Variants in KLF12 observed in about 807,000 individuals in gnomAD.
The protein encoded by KLF12 is KLF transcription factor 12, also known as Krueppel-like factor 12.
A neutral mutation model predicts 37.8 loss-of-function variants in KLF12; 9 were observed. That is an observed-to-expected ratio of 0.24 (90% CI 0.14 to 0.42). The LOEUF is 0.42. Among genes scored for constraint, KLF12 ranks in the 10% least tolerant of loss-of-function variants. The pLI is 1.00. For synonymous variants in KLF12, 208 were observed against 202.1 expected, an observed-to-expected ratio of 1.03 and a Z score of -0.25; for missense variants, 411 against 516.0, an observed-to-expected ratio of 0.80 and a Z score of 1.97.
At chr13:73,888,933 T>C (rs546936860) in intron 3 of KLF12, among the ~76,000 whole-genome samples, 2 of 152,336 alleles carry the variant, frequency 1.3e-5, no homozygotes, top group African/African-American at 4.8e-5. Flanking sequence ...ACAACTGAAA[T>C]AGCAATAAAA....
intron 1 of KLF12, among the ~76,000 whole-genome samples, chr13:74,034,863 T>C (rs1893209060): frequency 6.6e-6 from 1 of 152,252 alleles, no homozygotes. Context: ...GCCCATCATA[T>C]ACACTGGCTT....
chr13:74,070,964 T>C (rs1432922742), intron 1 of KLF12, among the ~76,000 whole-genome samples: 1 of 152,212 alleles, frequency 6.6e-6, no homozygotes, highest in African/African-American at 2.4e-5. Flanking sequence ...AGCTCTCTAA[T>C]ACTGTTAACA....
chr13:73,924,084 A>G (rs1047472564), intron 3 of KLF12, among the ~76,000 whole-genome samples: 3 of 152,278 alleles, frequency 2.0e-5, no homozygotes, highest in Non-Finnish European at 2.9e-5. Flanking sequence ...GGCAAAAGAA[A>G]GCACTCTGAA....
chr13:74,130,844 T>A (rs1878223264), intron 1 of KLF12, among the ~76,000 whole-genome samples: 1 of 152,198 alleles, frequency 6.6e-6, no homozygotes, highest in Non-Finnish European at 1.5e-5. Context: ...ACAGCTAGAT[T>A]TATGAACTTG....
intron 6 of KLF12, among the ~76,000 whole-genome samples, chr13:73,743,431 G>A (rs1432851906): frequency 3.9e-5 from 6 of 152,254 alleles, no homozygotes. Flanking sequence ...TCTGATCAGT[G>A]CTATCTTATA....
chr13:73,990,175 T>C (rs189478883), intron 2 of KLF12, among the ~76,000 whole-genome samples: 1 of 152,256 alleles, frequency 6.6e-6, no homozygotes, highest in African/African-American at 2.4e-5. Flanking sequence ...AGGAGAAACA[T>C]CACACATATT....
intron 1 of KLF12, among the ~76,000 whole-genome samples, chr13:74,106,149 T>A (rs1876638683): frequency 6.6e-6 from 1 of 152,216 alleles, no homozygotes; most frequent in Non-Finnish European, 1.5e-5. Flanking sequence ...GCCTACTGTC[T>A]ATTAAAGGCT....
chr13:73,813,945 T>C (rs971582729), intron 4 of KLF12, among the ~76,000 whole-genome samples: 5 of 152,220 alleles, frequency 3.3e-5, no homozygotes, highest in Admixed American at 6.5e-5. Context: ...ATGATTCTTC[T>C]CCAATCGTGA....
At chr13:73,707,966 A>T (rs1409818807) in intron 7 of KLF12, among the ~76,000 whole-genome samples, 1 of 152,214 alleles carries the variant, frequency 6.6e-6, no homozygotes, top group South Asian at 2.1e-4. Context: ...GTGTGTGTGC[A>T]TTCCAAATAT....
rs535849070 is a variant in KLF12, at chr13:73,836,010, A to G, written c.670+9817T>C. On this transcript the variant is annotated intron_variant, in intron 4 of 7. Transcript: ENST00000377669. ...TGGCTTTGTAAATTGCCCATAAAAC[A>G]TTTGTTGAATAAATGAACTAATTAT... Among the ~76,000 whole-genome samples the G allele has an allele frequency of 4.2e-4, 64 of 152,136 alleles. No individual in the cohort carries two copies. The East Asian group carries it at 9.3e-3, about 22-fold the overall frequency.
intron 2 of KLF12, among the ~76,000 whole-genome samples, chr13:73,947,522 G>A (rs1890480359): frequency 6.6e-6 from 1 of 151,648 alleles, no homozygotes; most frequent in Non-Finnish European, 1.5e-5. Flanking sequence ...ATTGTGGTGG[G>A]CGCCTGTAGT....
At chr13:73,886,948 C>T (rs1305587036) in intron 3 of KLF12, among the ~76,000 whole-genome samples, 3 of 150,610 alleles carry the variant, frequency 2.0e-5, no homozygotes, top group African/African-American at 7.3e-5. Flanking sequence ...GCTGAGATCC[C>T]GCCATTGTAC....
chr13:74,294,753 G>T, the KLF12 span, among the ~76,000 whole-genome samples: 2 of 152,060 alleles, frequency 1.3e-5, no homozygotes, highest in African/African-American at 2.4e-5. Context: ...GCCATTTTGA[G>T]TCTAAGAAAT....
intron 4 of KLF12, among the ~76,000 whole-genome samples, chr13:73,839,178 T>G (rs1389366786): frequency 6.6e-6 from 1 of 151,344 alleles, no homozygotes; most frequent in Non-Finnish European, 1.5e-5. Flanking sequence ...CTGCAACCTC[T>G]ATCTCCTGGG....
chr13:73,955,657 G>A (rs1341860725), intron 2 of KLF12, among the ~76,000 whole-genome samples: 1 of 152,162 alleles, frequency 6.6e-6, no homozygotes. Flanking sequence ...TCTCCTTTAT[G>A]TGATTATCCA....
At chr13:74,025,956 T>C (rs1488681837) in intron 1 of KLF12, among the ~76,000 whole-genome samples, 1 of 152,174 alleles carries the variant, frequency 6.6e-6, no homozygotes, top group Non-Finnish European at 1.5e-5. Context: ...AACAATTAAA[T>C]AATTTGGATT....
the KLF12 span, among the ~76,000 whole-genome samples, chr13:74,153,580 A>G: frequency 6.6e-6 from 1 of 152,128 alleles, no homozygotes; most frequent in African/African-American, 2.4e-5. Context: ...CCTCATTGCA[A>G]ACCCTCATTG....
At chr13:74,169,777 G>A in the KLF12 span, among the ~76,000 whole-genome samples, 1 of 152,186 alleles carries the variant, frequency 6.6e-6, no homozygotes, top group Non-Finnish European at 1.5e-5. Context: ...GCCTTGAATG[G>A]CGTTGAGGAG....
At chr13:73,973,550 A>G (rs570818722) in intron 2 of KLF12, among the ~76,000 whole-genome samples, 11 of 152,286 alleles carry the variant, frequency 7.2e-5, no homozygotes, top group African/African-American at 2.2e-4. Context: ...CGGAAGATAT[A>G]ATAACCAATT....
Sources: allele counts gnomAD v4.1 joint callset (sites outside exome capture counted in the v4.1 genomes callset), GRCh38; gene constraint gnomAD v4.1.1; transcripts MANE v1.5; gene names NCBI Gene and HGNC (gene_info 2026-07-23, HGNC 2026-07-21).